The following NFIA variants were observed in gnomAD, a reference collection of about 807,000 sequenced individuals.
NFIA encodes nuclear factor I A.
NFIA carries 8 observed loss-of-function variants against 62.8 expected under a neutral mutation model. That is an observed-to-expected ratio of 0.13 (90% CI 0.07 to 0.23). The LOEUF is 0.23. Ranked by LOEUF, NFIA falls within the 10% of genes least tolerant of loss-of-function variation. The pLI is 1.00. For missense variants in NFIA, 410 were observed against 642.1 expected (o/e 0.64, Z 3.91); for synonymous variants, 235 against 238.1 (o/e 0.99, Z 0.12).
chr1:61,148,064 C>T (rs1396028956), intron 2 of NFIA, among the ~76,000 whole-genome samples: 1 of 152,186 alleles, frequency 6.6e-6, no homozygotes, highest in Non-Finnish European at 1.5e-5. Context: ...TCAACATTAA[C>T]TAGCTGTTTA....
At chr1:61,263,873 C>A (rs1270992994) in intron 2 of NFIA, among the ~76,000 whole-genome samples, 1 of 152,058 alleles carries the variant, frequency 6.6e-6, no homozygotes, top group Non-Finnish European at 1.5e-5. Context: ...ACCTGGAGTC[C>A]CAGCTACTCA....
At chr1:61,142,453 G>C (rs1367318725) in intron 2 of NFIA, among the ~76,000 whole-genome samples, 2 of 152,130 alleles carry the variant, frequency 1.3e-5, no homozygotes, top group African/African-American at 4.8e-5. Context: ...GCATATTTCA[G>C]GATATAAACT....
At chr1:61,163,507 TC>T (rs1649358190) in intron 2 of NFIA, among the ~76,000 whole-genome samples, 1 of 152,172 alleles carries the variant, frequency 6.6e-6, no homozygotes, top group Non-Finnish European at 1.5e-5. Context: ...ATTTTATAGT[TC>T]CAGTAAATAG....
chr1:61,183,299 A>C (rs1049641346), intron 2 of NFIA, among the ~76,000 whole-genome samples: 5 of 152,220 alleles, frequency 3.3e-5, no homozygotes, highest in African/African-American at 7.2e-5. Context: ...CGTGCACGTC[A>C]GAAGGTGGGA....
chr1:61,280,888 T>C (rs1204648287), intron 3 of NFIA, among the ~76,000 whole-genome samples: 2 of 152,118 alleles, frequency 1.3e-5, no homozygotes, highest in Admixed American at 1.3e-4. Flanking sequence ...TCAAATTAAA[T>C]AATAGCTGAG....
intron 2 of NFIA, among the ~76,000 whole-genome samples, chr1:61,265,751 A>G (rs139476046): frequency 2.0e-3 from 305 of 152,342 alleles, no homozygotes; most frequent in African/African-American, 7.1e-3. Context: ...AGCTCCTGAA[A>G]CACAAAGTTT....
At chr1:61,219,282 G>T (rs1232714461) in intron 2 of NFIA, among the ~76,000 whole-genome samples, 1 of 151,088 alleles carries the variant, frequency 6.6e-6, no homozygotes, top group Non-Finnish European at 1.5e-5. Flanking sequence ...CTTTGTAAAA[G>T]AATTTTTTCC....
chr1:61,450,414 G>A (rs1034769547), intron 10 of NFIA, among the ~76,000 whole-genome samples: 2 of 152,172 alleles, frequency 1.3e-5, no homozygotes, highest in South Asian at 2.1e-4. Context: ...CCACAGAAGT[G>A]CGGGAAGCCA....
At chr1:61,302,904 T>C (rs942802231) in intron 3 of NFIA, among the ~76,000 whole-genome samples, 6 of 152,184 alleles carry the variant, frequency 3.9e-5, no homozygotes, top group African/African-American at 1.4e-4. Context: ...AAATTACTCT[T>C]TTTTTCACCA....
At position 61,455,443 on chromosome 1, in the gene NFIA, G is replaced by T. The variant is rs377228789; in HGVS notation, c.*123G>T. ...CTATCAGCGGAAGGGGAGAAAAACC[G>T]ATTCAAATCAACTTGTACATGGAAA... On this transcript the variant is annotated 3_prime_UTR_variant, in exon 11 of 11. Transcript: ENST00000403491. The T allele has an allele frequency of 2.2e-5, 33 of 1,492,480 alleles. No individual in the cohort carries two copies. In the African/African-American group the frequency reaches 4.5e-4, roughly 20 times the overall value. 92.5% of individuals were successfully genotyped at this position (1,492,480 alleles called of 1,614,324 possible). A position where few individuals can be genotyped will look rare whatever the true frequency, so the allele number is the denominator to read the frequency against.
At chr1:61,363,380 G>A (rs1252925221) in intron 6 of NFIA, among the ~76,000 whole-genome samples, 1 of 152,090 alleles carries the variant, frequency 6.6e-6, no homozygotes, top group East Asian at 1.9e-4. Context: ...CGAGGTGGAC[G>A]GATCACCTGA....
chr1:61,255,436 T>C (rs907006169), intron 2 of NFIA, among the ~76,000 whole-genome samples: 1 of 152,254 alleles, frequency 6.6e-6, no homozygotes, highest in Non-Finnish European at 1.5e-5. Flanking sequence ...TGAAATACTT[T>C]TGCATTATGC....
chr1:61,277,401 A>C, intron 2 of NFIA, 119 bp from the exon 3 acceptor site: 3 of 843,792 alleles, frequency 3.6e-6, no homozygotes, highest in Non-Finnish European at 5.7e-6. Flanking sequence ...GTCTCATGTC[A>C]TTTCTGTAAT....
chr1:61,366,234 G>C (rs1274379393), intron 6 of NFIA, among the ~76,000 whole-genome samples: 2 of 152,154 alleles, frequency 1.3e-5, no homozygotes, highest in Non-Finnish European at 2.9e-5. Context: ...ACCACTTTCA[G>C]ATTTGAGACC....
intron 7 of NFIA, chr1:61,386,052 A>G (rs1296055198): frequency 1.3e-5 from 2 of 152,064 alleles, no homozygotes; most frequent in African/African-American, 4.8e-5. Context: ...AACGTAAGAC[A>G]TTTTTCTGGC....
chr1:61,168,510 G>A (rs180862494), intron 2 of NFIA, among the ~76,000 whole-genome samples: 2 of 152,298 alleles, frequency 1.3e-5, no homozygotes, highest in Non-Finnish European at 2.9e-5. Context: ...ATACAGCTGG[G>A]TGAGACTTTG....
intron 3 of NFIA, among the ~76,000 whole-genome samples, chr1:61,296,113 A>G (rs1330490965): frequency 6.6e-6 from 1 of 152,198 alleles, no homozygotes. Flanking sequence ...CTGATCTGGC[A>G]TTCTAAGATT....
intron 2 of NFIA, among the ~76,000 whole-genome samples, chr1:61,145,016 C>T (rs554329461): frequency 6.6e-6 from 1 of 152,118 alleles, no homozygotes; most frequent in Non-Finnish European, 1.5e-5. Flanking sequence ...ATTGCCTTCC[C>T]CTTTACCTCT....
chr1:61,202,110 C>A (rs1044789077), intron 2 of NFIA, among the ~76,000 whole-genome samples: 2 of 152,108 alleles, frequency 1.3e-5, no homozygotes, highest in African/African-American at 4.8e-5. Flanking sequence ...AGGATAGGTG[C>A]CAATGGTAAC....
Sources: allele counts gnomAD v4.1 joint callset (sites outside exome capture counted in the v4.1 genomes callset), GRCh38; gene constraint gnomAD v4.1.1; transcripts MANE v1.5; gene names NCBI Gene and HGNC (gene_info 2026-07-23, HGNC 2026-07-21).